Variants in COL1A2 observed in about 807,000 individuals in gnomAD.
COL1A2 encodes collagen type I alpha 2 chain.
A neutral mutation model predicts 174.3 loss-of-function variants in COL1A2; 49 were observed. That is an observed-to-expected ratio of 0.28 (90% CI 0.22 to 0.36). COL1A2 has a LOEUF of 0.36. COL1A2 is among the 10% of genes least tolerant of loss of function. The pLI is 1.00. For synonymous variants in COL1A2, 655 were observed against 606.6 expected (o/e 1.08, Z -1.17); for missense variants, 1,438 against 1,822.7 (o/e 0.79, Z 3.84).
At chr7:94,402,470 C>G (rs953943395) in intron 6 of COL1A2, among the ~76,000 whole-genome samples, 2 of 152,018 alleles carry the variant, frequency 1.3e-5, no homozygotes, top group Non-Finnish European at 2.9e-5. Context: ...ATATTCAGCA[C>G]CATACCCTAT....
chr7:94,415,446 A>C (rs1237664115), intron 30 of COL1A2, among the ~76,000 whole-genome samples, 176 bp downstream of exon 30: 1 of 152,184 alleles, frequency 6.6e-6, no homozygotes, highest in African/African-American at 2.4e-5. Context: ...TTTTTGTTTC[A>C]TTGCTCATAT....
intron 4 of COL1A2, 77 bp downstream of exon 4, chr7:94,399,161 AT>A: frequency 7.6e-7 from 1 of 1,308,952 alleles, no homozygotes; most frequent in Non-Finnish European, 1.1e-6. Flanking sequence ...GGAACTGGCA[AT>A]TTATAAGAAT....
chr7:94,424,802 T>C, intron 41 of COL1A2: 1 of 468,806 alleles, frequency 2.1e-6, no homozygotes, highest in Non-Finnish European at 3.9e-6. Flanking sequence ...ACCTTATACG[T>C]GACAACAACT....
chr7:94,406,200 G>A (rs1226483311), intron 11 of COL1A2, 50 bp from the exon 12 acceptor site: 2 of 1,577,282 alleles, frequency 1.3e-6, no homozygotes, highest in East Asian at 4.5e-5. Context: ...ATTTTTATTT[G>A]ACCAAACACT....
Position 94,427,783 on chromosome 7 carries a change from C to G in COL1A2, c.3424C>G (p.Leu1142Val). ...DYEVDATLKS[L>V]NNQIETLLTP... is the part of the protein sequence containing the mutation. Reference sequence around the variant, plus strand: ...TGAAGTTGATGCTACTCTGAAGTCTCTCAACAACCAGATTGAGACCCTTCT... The same window carrying G: ...TGAAGTTGATGCTACTCTGAAGTCTGTCAACAACCAGATTGAGACCCTTCT... Residue 1142 changes from leucine (L) to valine (V), a missense_variant, in exon 49 of 52, where the codon CTC becomes GTC. Transcript: ENST00000297268. 6.2e-7 allele frequency: 1 copy of G among 1,614,124 alleles called. No individual in the cohort carries two copies. The highest frequency in any genetic ancestry group is 8.5e-7 in the Non-Finnish European group (1 of 1,180,010).
intron 2 of COL1A2, 90 bp downstream of exon 2, chr7:94,397,848 A>T: frequency 1.3e-6 from 1 of 745,458 alleles, no homozygotes; most frequent in East Asian, 2.6e-5. Flanking sequence ...AAGTTACATT[A>T]ATATTGACCA....
intron 38 of COL1A2, chr7:94,421,318 A>G (rs1335111455): frequency 3.6e-6 from 2 of 558,710 alleles, no homozygotes; most frequent in Non-Finnish European, 6.4e-6. Flanking sequence ...CGGAAAAAAT[A>G]TTCCTTTTGG....
At chr7:94,412,716 CT>C in intron 25 of COL1A2, 34 bp downstream of exon 25, 1 of 1,577,440 alleles carries the variant, frequency 6.3e-7, no homozygotes, top group Non-Finnish European at 8.7e-7. Context: ...ACCCTCAGCA[CT>C]TTCTGTAGCC....
chr7:94,415,757 A>T (rs1430888526), intron 30 of COL1A2, among the ~76,000 whole-genome samples: 1 of 152,190 alleles, frequency 6.6e-6, no homozygotes, highest in Non-Finnish European at 1.5e-5. Flanking sequence ...GTTAACACAT[A>T]TGTAGGAAGC....
At chr7:94,428,990 A>G (rs1238883937) in intron 50 of COL1A2, among the ~76,000 whole-genome samples, 198 bp from the exon 51 acceptor site, 2 of 152,208 alleles carry the variant, frequency 1.3e-5, no homozygotes, top group Non-Finnish European at 2.9e-5. Context: ...TCAGTCTAGT[A>G]GGTCTTATGT....
At chr7:94,396,969 T>G (rs2115849027) in intron 1 of COL1A2, among the ~76,000 whole-genome samples, 1 of 152,298 alleles carries the variant, frequency 6.6e-6, no homozygotes. Context: ...TTATAACAAT[T>G]ATGGCAAAAG....
At chr7:94,426,586 G>T in intron 46 of COL1A2, 56 bp downstream of exon 46, 2 of 1,339,806 alleles carry the variant, frequency 1.5e-6, no homozygotes, top group African/African-American at 1.4e-5. Context: ...CTTCAGCTCA[G>T]AAGGATTTTC....
Position 94,422,960 on chromosome 7 carries a change from A to G in COL1A2, c.2407A>G (p.Ile803Val), listed in dbSNP as rs2115940807. Residue 803 changes from isoleucine to valine, a missense_variant, in exon 40 of 52, where the codon ATT (isoleucine) becomes GTT (valine). Physicochemically the swap from Ile to Val is conservative, Grantham distance 29. This residue lies in a region of COL1A2 where 867 missense variants were observed against 1,213.7 expected (regional missense o/e 0.71). Transcript: ENST00000297268. ...GRTGPPGPSGISGPPGPPGPA... is the reference protein window; with the variant it reads ...GRTGPPGPSGVSGPPGPPGPA... ...GACCTTGTACATTTGCTCATAGGGT[A>G]TTTCTGGCCCTCCTGGTCCCCCTGG... 6.2e-7 allele frequency: 1 copy of G among 1,614,022 alleles called. No homozygotes were observed. Among genetic ancestry groups the G allele is most frequent in the Non-Finnish European group, 8.5e-7 (1 of 1,179,990 alleles).
At chr7:94,414,346 G>T in intron 29 of COL1A2, 71 bp downstream of exon 29, 1 of 1,282,672 alleles carries the variant, frequency 7.8e-7, no homozygotes, top group Non-Finnish European at 1.1e-6. Flanking sequence ...ATACCCCACT[G>T]CTATGCAATT....
At chr7:94,405,342 A>T in intron 10 of COL1A2, 90 bp downstream of exon 10, 3 of 1,243,622 alleles carry the variant, frequency 2.4e-6, no homozygotes, top group Non-Finnish European at 3.5e-6. Flanking sequence ...GACAACATAG[A>T]TGTCACCCAA....
At chr7:94,412,941 T>G in intron 25 of COL1A2, 142 bp from the exon 26 acceptor site, 1 of 849,914 alleles carries the variant, frequency 1.2e-6, no homozygotes, top group East Asian at 2.5e-5. Context: ...TGATGGATCA[T>G]CCTTAGATAA....
rs1791989090 is a variant in COL1A2 at position 94,414,147 on chromosome 7, C to T, written c.1666-75C>T. On this transcript the variant is annotated intron_variant, in intron 28 of 51. Coordinates refer to ENST00000297268, the MANE Select transcript of COL1A2 (RefSeq NM_000089.4). ...TCATGTTGATATTTGGTAGCCACCA[C>T]CCCCAAACTCAATTATTAGCAAATC... is the stretch of plus-strand genomic sequence containing the variant. 13 of 1,509,820 alleles carry T rather than the reference C, an allele frequency of 8.6e-6. No individual in the cohort carries two copies. The East Asian group carries it at 2.9e-4, about 34-fold the overall frequency. The allele number at this position is 1,509,820 out of a possible 1,614,324, so 93.5% of individuals were successfully genotyped here.
At chr7:94,427,345 G>A (rs1792300510) in intron 48 of COL1A2, 50 bp downstream of exon 48, 2 of 1,501,730 alleles carry the variant, frequency 1.3e-6, no homozygotes. Flanking sequence ...CCTAAGGAAT[G>A]TTTTCTTCAG....
chr7:94,425,894 C>G, intron 44 of COL1A2, 37 bp downstream of exon 44: 1 of 1,605,664 alleles, frequency 6.2e-7, no homozygotes, highest in South Asian at 1.1e-5. Flanking sequence ...GTGCAGCATT[C>G]TCGTGGGCTT....
Sources: allele counts gnomAD v4.1 joint callset (sites outside exome capture counted in the v4.1 genomes callset), GRCh38; gene constraint gnomAD v4.1.1; regional missense constraint gnomAD v4.1.1; transcripts MANE v1.5; gene names NCBI Gene and HGNC (gene_info 2026-07-23, HGNC 2026-07-21).